The following TANGO6 variants were observed in gnomAD, a reference collection of about 807,000 sequenced individuals.
TANGO6 encodes transport and Golgi organization protein 6 homolog.
TANGO6 carries 90 observed loss-of-function variants against 114.2 expected under a neutral mutation model. That is an observed-to-expected ratio of 0.79 (90% CI 0.66 to 0.94). The LOEUF is 0.94. Among genes scored for constraint, TANGO6 ranks in the 40% least tolerant of loss-of-function variants. The pLI is 0.00. For synonymous variants in TANGO6, 477 were observed against 509.8 expected, an observed-to-expected ratio of 0.94 and a Z score of 0.87; for missense variants, 1,274 against 1,315.3, an observed-to-expected ratio of 0.97 and a Z score of 0.49.
At chr16:69,032,911 C>T (rs1959622368) in intron 16 of TANGO6, among the ~76,000 whole-genome samples, 1 of 147,260 alleles carries the variant, frequency 6.8e-6, no homozygotes, top group Non-Finnish European at 1.5e-5. Flanking sequence ...TGTTGGCAGG[C>T]GTGGTGGCTC....
At chr16:68,849,309 G>C (rs1366382454) in intron 1 of TANGO6, among the ~76,000 whole-genome samples, 2 of 152,078 alleles carry the variant, frequency 1.3e-5, no homozygotes, top group Non-Finnish European at 2.9e-5. Flanking sequence ...ACTCCAGCCT[G>C]GGCGACAAAG....
intron 4 of TANGO6, among the ~76,000 whole-genome samples, chr16:68,869,028 A>G (rs1962224544): frequency 1.3e-5 from 2 of 152,248 alleles, no homozygotes; most frequent in Admixed American, 1.3e-4. Context: ...TTTACAGCTG[A>G]TCTATATTGT....
chr16:69,070,760 ATT>A (rs2152242954), intron 17 of TANGO6, among the ~76,000 whole-genome samples: 1 of 147,440 alleles, frequency 6.8e-6, no homozygotes, highest in East Asian at 1.9e-4. Flanking sequence ...TATTATTATT[ATT>A]ATTATTATTA....
chr16:69,068,017 T>C (rs1449214886), intron 17 of TANGO6, among the ~76,000 whole-genome samples: 1 of 150,294 alleles, frequency 6.7e-6, no homozygotes, highest in African/African-American at 2.5e-5. Flanking sequence ...GGCACATGCC[T>C]GTAGTCCCAG....
intron 7 of TANGO6, among the ~76,000 whole-genome samples, chr16:68,898,165 C>T (rs1962733130): frequency 2.0e-5 from 3 of 151,978 alleles, no homozygotes; most frequent in East Asian, 1.9e-4. Context: ...CTTTTGCCTC[C>T]TGTAATTGGT....
chr16:69,020,446 A>G (rs922082262), intron 15 of TANGO6, among the ~76,000 whole-genome samples: 1 of 152,244 alleles, frequency 6.6e-6, no homozygotes, highest in Non-Finnish European at 1.5e-5. Context: ...GGCACGAGTG[A>G]CAAATGTGAT....
chr16:69,050,275 A>G (rs11075703), intron 17 of TANGO6, among the ~76,000 whole-genome samples: 13,996 of 152,186 alleles, frequency 0.092, 1,321 homozygotes, highest in African/African-American at 0.25. Context: ...TGTATCAAAT[A>G]TGAACTCCTA....
Position 68,927,729 on chromosome 16 carries a change from C to A in TANGO6, c.2289C>A (p.Ala763=). 6.2e-7 allele frequency: 1 copy of A among 1,613,840 alleles called. No homozygotes were observed. Among genetic ancestry groups the A allele is most frequent in the Non-Finnish European group, 8.5e-7 (1 of 1,179,874 alleles). Residue 763 remains alanine, a synonymous_variant, in exon 13 of 18, where the codon GCC becomes GCA. Transcript: ENST00000261778. ...AFATEAVSMA[A]QSTLNRKDLE... is the part of the protein sequence containing the mutation. ...CCACTGAGGCCGTCAGCATGGCTGC[C>A]CAAAGTACACTGAACAGAAAAGATC... is the stretch of plus-strand genomic sequence containing the variant.
intron 14 of TANGO6, among the ~76,000 whole-genome samples, chr16:68,946,797 C>A (rs1463136003): frequency 1.3e-5 from 2 of 152,180 alleles, no homozygotes; most frequent in Non-Finnish European, 2.9e-5. Context: ...CCACTGTACC[C>A]CACCTAATTT....
At chr16:68,902,020 T>C (rs1447987104) in intron 8 of TANGO6, among the ~76,000 whole-genome samples, 2 of 141,562 alleles carry the variant, frequency 1.4e-5, no homozygotes, top group Non-Finnish European at 3.0e-5. Flanking sequence ...CAGTGCCTGA[T>C]GCAAAGGCAG....
At chr16:69,053,549 T>A (rs1424320528) in intron 17 of TANGO6, among the ~76,000 whole-genome samples, 2 of 152,208 alleles carry the variant, frequency 1.3e-5, no homozygotes, top group African/African-American at 4.8e-5. Context: ...GCATGTCTCC[T>A]ATAAGCCTTC....
chr16:68,996,798 A>G (rs1014190791), intron 15 of TANGO6, among the ~76,000 whole-genome samples: 2 of 152,202 alleles, frequency 1.3e-5, no homozygotes, highest in Admixed American at 6.5e-5. Context: ...CCGAAAGTAC[A>G]CAGAGTACAG....
chr16:69,026,934 C>T (rs1439964679), intron 16 of TANGO6, among the ~76,000 whole-genome samples: 1 of 152,180 alleles, frequency 6.6e-6, no homozygotes, highest in East Asian at 1.9e-4. Context: ...GCAATCTCAG[C>T]TCACTGCAAC....
rs1963119089 is a variant in TANGO6, at chr16:68,923,098, C to G, written c.2127+3879C>G. 5.3e-5 allele frequency among the ~76,000 whole-genome samples: 8 copies of G among 151,612 alleles called. No individual in the cohort carries two copies. In the South Asian group the frequency reaches 1.7e-3, roughly 32 times the overall value. On this transcript the variant is annotated intron_variant, in intron 12 of 17. Coordinates refer to ENST00000261778, the MANE Select transcript of TANGO6 (RefSeq NM_024562.2). ...AAGTAGCTGGGATTACGGTCATGCA[C>G]CACCACGCCCGGCTCATTTTGTATT...
intron 15 of TANGO6, among the ~76,000 whole-genome samples, chr16:68,983,464 G>A (rs1360810371): frequency 6.6e-6 from 1 of 152,016 alleles, no homozygotes; most frequent in Admixed American, 6.6e-5. Context: ...TGGGTTCTGT[G>A]ACTGTAGCTG....
rs1963184973 is a variant in TANGO6 at position 68,927,674 on chromosome 16, G to A, written c.2234G>A (p.Arg745His). 3.7e-6 allele frequency: 6 copies of A among 1,613,914 alleles called. No individual in the cohort carries two copies. Among genetic ancestry groups the A allele is most frequent in the African/African-American group, 1.3e-5 (1 of 75,018 alleles). Residue 745 changes from arginine (R) to histidine (H), a missense_variant, in exon 13 of 18, where the codon CGC becomes CAC. Around this residue, in one of 5 missense-constraint regions of TANGO6, gnomAD observed 908 missense variants for 910.2 expected, o/e 1.00. Coordinates refer to ENST00000261778, the MANE Select transcript of TANGO6 (RefSeq NM_024562.2). ...PVIQELAVDL[R>H]ITISTHGAFA... ...ATCCAAGAACTCGCTGTTGATCTCC[G>A]CATCACCATCTCTACCCATGGAGCC...
chr16:68,962,542 G>A (rs1057069395), intron 14 of TANGO6, among the ~76,000 whole-genome samples: 3 of 152,048 alleles, frequency 2.0e-5, no homozygotes, highest in African/African-American at 7.2e-5. Context: ...AAAGAGGGCC[G>A]ATCACCTGAG....
intron 16 of TANGO6, among the ~76,000 whole-genome samples, chr16:69,038,037 A>G (rs542382331): frequency 6.6e-6 from 1 of 152,328 alleles, no homozygotes; most frequent in East Asian, 1.9e-4. Context: ...TTGTATTTGT[A>G]CGTGTTTCTA....
intron 7 of TANGO6, among the ~76,000 whole-genome samples, chr16:68,885,903 A>G (rs1442806081): frequency 5.9e-5 from 9 of 152,170 alleles, no homozygotes; most frequent in African/African-American, 2.2e-4. Flanking sequence ...TTTTGCCTGT[A>G]TACCTTGGAG....
Sources: allele counts gnomAD v4.1 joint callset (sites outside exome capture counted in the v4.1 genomes callset), GRCh38; gene constraint gnomAD v4.1.1; regional missense constraint gnomAD v4.1.1; transcripts MANE v1.5; gene names NCBI Gene and HGNC (gene_info 2026-07-23, HGNC 2026-07-21).